The following KSR2 variants were observed in gnomAD, a reference collection of about 807,000 sequenced individuals.
KSR2 encodes the protein kinase suppressor of ras 2.
KSR2 carries 25 observed loss-of-function variants against 107.8 expected under a neutral mutation model. That is an observed-to-expected ratio of 0.23 (90% CI 0.17 to 0.32). The LOEUF is 0.32. KSR2 is among the 10% of genes least tolerant of loss of function. The pLI is 1.00. For missense variants in KSR2, 887 were observed against 1,268.9 expected (o/e 0.70, Z 4.57); for synonymous variants, 480 against 507.0 (o/e 0.95, Z 0.71).
intron 3 of KSR2, among the ~76,000 whole-genome samples, chr12:117,851,901 A>G (rs1277452208): frequency 6.6e-6 from 1 of 151,914 alleles, no homozygotes; most frequent in Non-Finnish European, 1.5e-5. Context: ...AAAAAAAAAA[A>G]AGAAAGTGGC....
chr12:117,898,187 C>T (rs894531337), intron 1 of KSR2, among the ~76,000 whole-genome samples: 1 of 152,152 alleles, frequency 6.6e-6, no homozygotes, highest in Non-Finnish European at 1.5e-5. Context: ...CAAACTTCCC[C>T]TTAAAATAAC....
intron 10 of KSR2, among the ~76,000 whole-genome samples, chr12:117,537,623 T>A (rs560914016): frequency 3.6e-4 from 55 of 152,348 alleles, no homozygotes; most frequent in Non-Finnish European, 6.8e-4. Flanking sequence ...GTGGTAAAGC[T>A]GAGATTTGAA....
chr12:117,476,758 G>T (rs1272163341), intron 16 of KSR2, among the ~76,000 whole-genome samples, 163 bp from the exon 17 acceptor site: 1 of 152,184 alleles, frequency 6.6e-6, no homozygotes, highest in Non-Finnish European at 1.5e-5. Context: ...AGTAGTAGGT[G>T]CAGGGAAGGC....
At chr12:117,731,813 T>A (rs564624839) in intron 4 of KSR2, among the ~76,000 whole-genome samples, 31 of 150,464 alleles carry the variant, frequency 2.1e-4, no homozygotes, top group South Asian at 6.5e-4. Context: ...AGATGTGCTT[T>A]GTTAAACAGA....
intron 1 of KSR2, among the ~76,000 whole-genome samples, chr12:117,906,803 C>T (rs375549386): frequency 7.6e-4 from 116 of 152,128 alleles, no homozygotes; most frequent in African/African-American, 2.6e-3. Flanking sequence ...CCTAGCACTT[C>T]GGGAGGTGAA....
At chr12:117,924,545 C>T (rs1895446621) in intron 1 of KSR2, among the ~76,000 whole-genome samples, 1 of 131,748 alleles carries the variant, frequency 7.6e-6, no homozygotes, top group South Asian at 2.5e-4. Flanking sequence ...GCACTCCAGC[C>T]TGGCTGACAA....
chr12:117,717,329 T>C (rs1593163024), intron 4 of KSR2, among the ~76,000 whole-genome samples: 6 of 152,288 alleles, frequency 3.9e-5, no homozygotes, highest in Admixed American at 3.9e-4. Flanking sequence ...GAGACCAGCC[T>C]GGGCCACATA....
chr12:117,489,897 C>G (rs1372280411), intron 14 of KSR2, among the ~76,000 whole-genome samples: 3 of 152,186 alleles, frequency 2.0e-5, no homozygotes, highest in Non-Finnish European at 2.9e-5. Context: ...CTGCTCTGAG[C>G]TTGGAATTCC....
intron 9 of KSR2, among the ~76,000 whole-genome samples, chr12:117,542,560 C>T (rs1046841507): frequency 2.0e-5 from 3 of 152,142 alleles, no homozygotes; most frequent in Admixed American, 6.5e-5. Flanking sequence ...ATAGCCATAC[C>T]CATTTCCTGT....
chr12:117,657,255 T>C (rs1884224140), intron 5 of KSR2, among the ~76,000 whole-genome samples: 1 of 151,786 alleles, frequency 6.6e-6, no homozygotes, highest in South Asian at 2.1e-4. Flanking sequence ...GCTGGGGCCA[T>C]CTTGTCACCA....
intron 5 of KSR2, among the ~76,000 whole-genome samples, chr12:117,591,160 C>T (rs1296135718): frequency 2.0e-5 from 3 of 152,206 alleles, no homozygotes; most frequent in Non-Finnish European, 2.9e-5. Context: ...CTCACTGTCT[C>T]TTCGTAGAAT....
chr12:117,744,120 A>G (rs1251266585), intron 4 of KSR2, among the ~76,000 whole-genome samples: 1 of 152,162 alleles, frequency 6.6e-6, no homozygotes, highest in African/African-American at 2.4e-5. Context: ...ATCATGGCAT[A>G]GCGGAAAGAC....
intron 3 of KSR2, among the ~76,000 whole-genome samples, chr12:117,834,991 T>A (rs2723280): frequency 0.83 from 126,204 of 152,222 alleles, 52,868 homozygotes; most frequent in African/African-American, 0.94. Context: ...GGATGCAGTT[T>A]CTGCTGGCAG....
At chr12:117,884,289 C>A (rs917552257) in intron 1 of KSR2, among the ~76,000 whole-genome samples, 1 of 151,924 alleles carries the variant, frequency 6.6e-6, no homozygotes, top group East Asian at 1.9e-4. Flanking sequence ...ACAACACAGG[C>A]AAAAGGAAGA....
In KSR2 at chr12:117,893,550, C is replaced by T. The variant is rs1411017886; in HGVS notation, c.181-33119G>A. Among the ~76,000 whole-genome samples the T allele has an allele frequency of 2.6e-5, 4 of 152,318 alleles. No individual in the cohort carries two copies. The East Asian group carries it at 7.7e-4, about 29-fold the overall frequency. On this transcript the variant is annotated intron_variant, in intron 1 of 19. Transcript: ENST00000339824. ...CCAAATCCGACTCACCACCCACTACCTGTGAGATTTGGGTCAAGTCCCACA... is the reference window on the plus strand; with the variant it reads ...CCAAATCCGACTCACCACCCACTACTTGTGAGATTTGGGTCAAGTCCCACA...
intron 4 of KSR2, among the ~76,000 whole-genome samples, chr12:117,680,433 C>CCAT (rs1413292976): frequency 6.6e-6 from 1 of 152,174 alleles, no homozygotes; most frequent in Non-Finnish European, 1.5e-5. Flanking sequence ...GAAAACATTT[C>CCAT]CATCATTTCT....
At chr12:117,614,810 T>A (rs979437913) in intron 5 of KSR2, among the ~76,000 whole-genome samples, 2 of 152,224 alleles carry the variant, frequency 1.3e-5, no homozygotes, top group Non-Finnish European at 2.9e-5. Flanking sequence ...ATGTCACCAT[T>A]GCCTCTGGAA....
intron 1 of KSR2, among the ~76,000 whole-genome samples, chr12:117,960,287 A>G (rs1896622178): frequency 6.6e-6 from 1 of 152,148 alleles, no homozygotes; most frequent in African/African-American, 2.4e-5. Flanking sequence ...ATATTGTGAC[A>G]TTAGATTGTT....
At chr12:117,700,775 T>C (rs1886268760) in intron 4 of KSR2, among the ~76,000 whole-genome samples, 2 of 152,240 alleles carry the variant, frequency 1.3e-5, no homozygotes, top group Admixed American at 1.3e-4. Flanking sequence ...ATCTCTCAGA[T>C]AAGACAGAAA....
Sources: gnomAD v4.1 joint callset for allele counts (sites outside exome capture counted in the v4.1 genomes callset) on GRCh38, gnomAD v4.1.1 for gene constraint, MANE v1.5 for transcripts, NCBI Gene and HGNC (gene_info 2026-07-23, HGNC 2026-07-21) for gene names.